EMP2: variants seen among roughly 807,000 people sequenced by gnomAD.
EMP2 encodes the protein epithelial membrane protein 2.
A neutral mutation model predicts 13.7 loss-of-function variants in EMP2; 19 were observed. That is an observed-to-expected ratio of 1.38 (90% CI 0.97 to 2.03). The LOEUF (loss-of-function observed/expected upper bound fraction) is 2.03. Ranked by LOEUF, EMP2 falls within the 30% of genes most tolerant of loss-of-function variation. The pLI, the probability that EMP2 is intolerant of heterozygous loss-of-function variation, is 0.00. For missense variants in EMP2, 253 were observed against 220.7 expected (o/e 1.15, Z -0.93); for synonymous variants, 97 against 84.7 (o/e 1.15, Z -0.80).
intron 4 of EMP2, among the ~76,000 whole-genome samples, chr16:10,533,441 C>T (rs535571177): frequency 6.6e-6 from 1 of 152,280 alleles, no homozygotes; most frequent in South Asian, 2.1e-4. Flanking sequence ...TATTTTGCTT[C>T]CCATTCTTGC....
rs548379924 is a variant in EMP2 at position 10,570,368 on chromosome 16, G to A, written c.-61+10181C>T. Among the ~76,000 whole-genome samples, 4 of 152,092 alleles carry A rather than the reference G, an allele frequency of 2.6e-5. No individual in the cohort carries two copies. In the South Asian group the frequency reaches 6.2e-4, roughly 24 times the overall value. On this transcript the variant is annotated intron_variant, in intron 1 of 4. Coordinates refer to ENST00000359543, the MANE Select transcript of EMP2 (RefSeq NM_001424.6). ...AGCCTCTGGAGTACCTAGGACGACAGGTGCACACCACCACACCCAGCTAAT... is the reference window on the plus strand; with the variant it reads ...AGCCTCTGGAGTACCTAGGACGACAAGTGCACACCACCACACCCAGCTAAT...
chr16:10,578,369 C>A (rs912100243), intron 1 of EMP2, among the ~76,000 whole-genome samples: 1 of 152,224 alleles, frequency 6.6e-6, no homozygotes, highest in Admixed American at 6.5e-5. Flanking sequence ...GTGAAACATT[C>A]ACTTCCGTTC....
At chr16:10,551,378 A>G (rs1395272771) in intron 1 of EMP2, among the ~76,000 whole-genome samples, 1 of 152,218 alleles carries the variant, frequency 6.6e-6, no homozygotes, top group Non-Finnish European at 1.5e-5. Flanking sequence ...TCAGAGTTTA[A>G]GCATTCACTG....
At chr16:10,560,088 G>A (rs958530355) in intron 1 of EMP2, among the ~76,000 whole-genome samples, 10 of 152,204 alleles carry the variant, frequency 6.6e-5, no homozygotes, top group African/African-American at 2.4e-4. Context: ...CGTGGCACCA[G>A]AGAAACCATT....
intron 1 of EMP2, among the ~76,000 whole-genome samples, chr16:10,576,048 C>G (rs1037135503): frequency 6.6e-6 from 1 of 152,062 alleles, no homozygotes; most frequent in Non-Finnish European, 1.5e-5. Flanking sequence ...GCAAGGACCA[C>G]TGTGCTTATT....
intron 1 of EMP2, among the ~76,000 whole-genome samples, chr16:10,560,453 C>A (rs1176589616): frequency 6.6e-6 from 1 of 152,178 alleles, no homozygotes; most frequent in Non-Finnish European, 1.5e-5. Context: ...TCACATCATC[C>A]AATTTGCAGG....
chr16:10,550,840 T>C (rs1274210709), intron 1 of EMP2, among the ~76,000 whole-genome samples: 1 of 151,954 alleles, frequency 6.6e-6, no homozygotes, highest in Non-Finnish European at 1.5e-5. Context: ...CCGGGCGTGG[T>C]GGTGGGCACC....
At chr16:10,534,200 G>A (rs1396391427) in intron 4 of EMP2, among the ~76,000 whole-genome samples, 1 of 152,068 alleles carries the variant, frequency 6.6e-6, no homozygotes, top group Non-Finnish European at 1.5e-5. Flanking sequence ...TTCTCTTGCT[G>A]ACTGCTTTAA....
intron 4 of EMP2, among the ~76,000 whole-genome samples, chr16:10,537,520 G>A (rs1419098831): frequency 1.3e-5 from 2 of 152,114 alleles, no homozygotes; most frequent in African/African-American, 4.8e-5. Flanking sequence ...ACTTCCCACT[G>A]CACTCCAGCC....
At chr16:10,541,427 A>C (rs2050698059) in intron 3 of EMP2, among the ~76,000 whole-genome samples, 1 of 152,126 alleles carries the variant, frequency 6.6e-6, no homozygotes, top group South Asian at 2.1e-4. Flanking sequence ...GTGTGTAAAC[A>C]ACTTTTAAAA....
intron 1 of EMP2, among the ~76,000 whole-genome samples, chr16:10,577,645 C>T (rs750501418): frequency 1.3e-5 from 2 of 152,070 alleles, no homozygotes; most frequent in African/African-American, 2.4e-5. Flanking sequence ...GCCAACTGCC[C>T]TCTTCCTTCA....
intron 1 of EMP2, among the ~76,000 whole-genome samples, chr16:10,557,974 T>C (rs372678694): frequency 6.6e-6 from 1 of 150,398 alleles, no homozygotes; most frequent in East Asian, 1.9e-4. Flanking sequence ...GAACTGTGGG[T>C]GGCGTTATGG....
intron 3 of EMP2, among the ~76,000 whole-genome samples, chr16:10,538,385 A>C (rs1210945185): frequency 6.6e-6 from 1 of 152,168 alleles, no homozygotes; most frequent in Non-Finnish European, 1.5e-5. Context: ...GGACAGGGGA[A>C]TCTTTTGAAG....
chr16:10,534,277 CACCA>C (rs1330333231), intron 4 of EMP2, among the ~76,000 whole-genome samples: 5 of 152,116 alleles, frequency 3.3e-5, no homozygotes, highest in Non-Finnish European at 1.5e-5. Context: ...AAGAGGTCAA[CACCA>C]ACACTAAAGA....
chr16:10,549,848 C>CTTTCTTTTCT (rs1194014379), intron 1 of EMP2, among the ~76,000 whole-genome samples: 1 of 135,308 alleles, frequency 7.4e-6, no homozygotes, highest in Non-Finnish European at 1.6e-5. Flanking sequence ...AGGACATTTT[C>CTTTCTTTTCT]TTTCTTTTCT....
At position 10,567,765 on chromosome 16, in the gene EMP2, C is replaced by T. The variant is rs992856222; in HGVS notation, c.-61+12784G>A. 2.6e-5 allele frequency among the ~76,000 whole-genome samples: 4 copies of T among 152,216 alleles called. No homozygotes were observed. The South Asian group carries it at 8.3e-4, about 31-fold the overall frequency. On this transcript the variant is annotated intron_variant, in intron 1 of 4. Transcript: ENST00000359543. The stretch of plus-strand genomic sequence containing the variant: ...GCAAACCAAAGCTCTCCTTGATTCA[C>T]ATCCTCCCAGGGTTGTACATGGACT...
Position 10,532,718 on chromosome 16 carries a change from C to T in EMP2, c.*187G>A. ...AGTCTATTCTCTGATCTCAAGAATGCAAAAACTCTTCTCTCTTTTGGATTT... is the reference window on the plus strand; with the variant it reads ...AGTCTATTCTCTGATCTCAAGAATGTAAAAACTCTTCTCTCTTTTGGATTT... On this transcript the variant is annotated 3_prime_UTR_variant, in exon 5 of 5. Transcript: ENST00000359543. 2.1e-6 allele frequency: 1 copy of T among 485,696 alleles called. No individual in the cohort carries two copies. The highest frequency in any genetic ancestry group is 3.0e-6 in the Non-Finnish European group (1 of 328,754). 30.1% of individuals were successfully genotyped at this position (485,696 alleles called of 1,614,324 possible).
intron 1 of EMP2, among the ~76,000 whole-genome samples, chr16:10,564,336 T>C (rs2050892615): frequency 6.6e-6 from 1 of 151,794 alleles, no homozygotes; most frequent in Non-Finnish European, 1.5e-5. Flanking sequence ...GCTAAAAATA[T>C]AAAAATTAGC....
rs1292037731 is a variant in EMP2, at chr16:10,530,790, C to A, written c.*2115G>T. The stretch of plus-strand genomic sequence containing the variant: ...CCTCTCACCGCATTTACTGTCGGGA[C>A]CATGGGCCCCTCCACAGACATGTTT... On this transcript the variant is annotated 3_prime_UTR_variant, in exon 5 of 5. Coordinates refer to ENST00000359543, the MANE Select transcript of EMP2 (RefSeq NM_001424.6). 4 of 152,212 alleles carry A rather than the reference C, an allele frequency of 2.6e-5. No individual in the cohort carries two copies. The highest frequency in any genetic ancestry group is 9.7e-5 in the African/African-American group (4 of 41,446). The allele number at this position is 152,212 out of a possible 1,614,324, so 9.4% of individuals were successfully genotyped here. A position where few individuals can be genotyped will look rare whatever the true frequency, so the allele number is the denominator to read the frequency against.
Sources: gnomAD v4.1 joint callset for allele counts (sites outside exome capture counted in the v4.1 genomes callset) on GRCh38, gnomAD v4.1.1 for gene constraint, MANE v1.5 for transcripts, NCBI Gene and HGNC (gene_info 2026-07-23, HGNC 2026-07-21) for gene names.